The following PXMP2 variants were observed in gnomAD, a reference collection of about 807,000 sequenced individuals.
PXMP2 encodes peroxisomal membrane protein 2.
Under a neutral mutation model 20.2 loss-of-function variants are expected in PXMP2, and 13 were observed. That is an observed-to-expected ratio of 0.64 (90% CI 0.42 to 1.02). The LOEUF is 1.02. Ranked by LOEUF, PXMP2 falls within the 50% of genes least tolerant of loss-of-function variation. The pLI, the probability that PXMP2 is intolerant of heterozygous loss-of-function variation, is 0.00. For synonymous variants in PXMP2, 113 were observed against 111.2 expected, an observed-to-expected ratio of 1.02 and a Z score of -0.10; for missense variants, 284 against 251.8, an observed-to-expected ratio of 1.13 and a Z score of -0.87.
At position 132,704,788 on chromosome 12, in the gene PXMP2, A is replaced by G; in HGVS notation, c.*101A>G. 8.8e-7 allele frequency: 1 copy of G among 1,134,832 alleles called. No homozygotes were observed. The highest frequency in any genetic ancestry group is 1.3e-6 in the Non-Finnish European group (1 of 752,206). The allele number at this position is 1,134,832 out of a possible 1,614,324, so 70.3% of individuals were successfully genotyped here. On this transcript the variant is annotated 3_prime_UTR_variant, in exon 5 of 5. Coordinates refer to ENST00000317479, the MANE Select transcript of PXMP2 (RefSeq NM_018663.3). ...ATCCAGTCAGGATGTCACTGACTCT[A>G]AATCAGGTGATTCAAGATGCCCAAA...
chr12:132,688,255 G>A (rs1458758786), intron 1 of PXMP2: 4 of 235,606 alleles, frequency 1.7e-5, no homozygotes, highest in Admixed American at 1.2e-4. Flanking sequence ...TGAAGACAGG[G>A]CGAGGGGAGC....
At chr12:132,697,108 C>T (rs888512998) in intron 3 of PXMP2, among the ~76,000 whole-genome samples, 8 of 152,018 alleles carry the variant, frequency 5.3e-5, no homozygotes, top group Non-Finnish European at 7.4e-5. Context: ...GGCAACATGG[C>T]GAATACCCAT....
chr12:132,695,872 T>C lies in PXMP2; in HGVS notation c.237-12T>C. 6.3e-7 allele frequency: 1 copy of C among 1,598,038 alleles called. No homozygotes were observed. Among genetic ancestry groups the C allele is most frequent in the Non-Finnish European group, 8.5e-7 (1 of 1,170,316 alleles). ...GAACCACAATCTGGCTCACACCCCC[T>C]GGGGGCCTCAGGTTCTTCTTCACAG... On this transcript the variant is annotated splice_polypyrimidine_tract_variant and intron_variant, in intron 2 of 4. Transcript: ENST00000317479.
intron 4 of PXMP2, among the ~76,000 whole-genome samples, chr12:132,702,849 G>T (rs2043450216): frequency 6.6e-6 from 1 of 152,200 alleles, no homozygotes; most frequent in South Asian, 2.1e-4. Context: ...GGGAGGAAAG[G>T]ACCAGGGTGA....
At chr12:132,704,032 C>T (rs1044369144) in intron 4 of PXMP2, among the ~76,000 whole-genome samples, 2 of 152,146 alleles carry the variant, frequency 1.3e-5, no homozygotes, top group Admixed American at 6.5e-5. Context: ...ATTCAGCAAG[C>T]GTTTCCTGAG....
At chr12:132,693,780 TGCCAGTTAGTTAGTTAGCTCCCTTA>T (rs1593105797) in intron 2 of PXMP2, among the ~76,000 whole-genome samples, 12 of 94,438 alleles carry the variant, frequency 1.3e-4, no homozygotes, top group Non-Finnish European at 2.2e-4. Context: ...TGAGCGCCCT[TGCCAGTTAGTTAGTTAGCTCCCTTA>T]GCCAGTTAGT....
rs551083904 is a variant in PXMP2 at position 132,689,328 on chromosome 12, G to A, written c.123-935G>A. Among the ~76,000 whole-genome samples, 9 of 152,284 alleles carry A rather than the reference G, an allele frequency of 5.9e-5. No individual in the cohort carries two copies. In the East Asian group the frequency reaches 1.7e-3, roughly 29 times the overall value. On this transcript the variant is annotated intron_variant, in intron 1 of 4. Transcript: ENST00000317479. Reference sequence around the variant, plus strand: ...ACGGCGCGGGTGGAGACACGGCCAGGGAAGGTGTTTTGAGAAGGTGACATT... The same window carrying A: ...ACGGCGCGGGTGGAGACACGGCCAGAGAAGGTGTTTTGAGAAGGTGACATT...
Position 132,701,358 on chromosome 12 carries a change from G to C in PXMP2, c.508G>C (p.Val170Leu). 4 of 1,612,682 alleles carry C rather than the reference G, an allele frequency of 2.5e-6. No individual in the cohort carries two copies. Among genetic ancestry groups the C allele is most frequent in the Non-Finnish European group, 3.4e-6 (4 of 1,179,704 alleles). ...TPLQFININY[V>L]PLKFRVLFAN... ...ACTACAGTTCATCAACATCAACTACGTCCCTCTGAAGGTGAGGGCCACGGG... is the reference window on the plus strand; with the variant it reads ...ACTACAGTTCATCAACATCAACTACCTCCCTCTGAAGGTGAGGGCCACGGG... Residue 170 changes from valine (V) to leucine (L), a missense_variant, in exon 4 of 5, where the codon GTC becomes CTC. By Grantham distance (32) the Val-to-Leu change is conservative. Transcript: ENST00000317479.
chr12:132,690,215 AC>A, intron 1 of PXMP2, 47 bp from the exon 2 acceptor site: 1 of 1,472,042 alleles, frequency 6.8e-7, no homozygotes, highest in South Asian at 1.1e-5. Flanking sequence ...GGAAAGGGAC[AC>A]CCTCCTGCTG....
intron 2 of PXMP2, among the ~76,000 whole-genome samples, chr12:132,693,838 G>C (rs1395783949): frequency 1.0e-5 from 1 of 99,452 alleles, no homozygotes; most frequent in Non-Finnish European, 2.2e-5. Flanking sequence ...TTGCCAGTTA[G>C]TTAGTGAGCT....
intron 2 of PXMP2, among the ~76,000 whole-genome samples, chr12:132,694,880 TGAG>T: frequency 6.7e-6 from 1 of 148,756 alleles, no homozygotes; most frequent in African/African-American, 2.5e-5. Context: ...AGTTAGTTAG[TGAG>T]CGCCCTTGCC....
intron 1 of PXMP2, among the ~76,000 whole-genome samples, chr12:132,689,609 T>G (rs1313767056): frequency 6.6e-6 from 1 of 152,118 alleles, no homozygotes; most frequent in Non-Finnish European, 1.5e-5. Context: ...ATTTTGGATT[T>G]TATAGTCCAG....
intron 4 of PXMP2, chr12:132,702,543 A>T (rs947683151): frequency 1.3e-5 from 4 of 319,476 alleles, no homozygotes; most frequent in African/African-American, 9.0e-5. Flanking sequence ...TGCAGGGGCC[A>T]CGTGCTTCCC....
chr12:132,697,827 G>A (rs988562650), intron 3 of PXMP2, among the ~76,000 whole-genome samples: 4 of 152,072 alleles, frequency 2.6e-5, no homozygotes, highest in Admixed American at 2.0e-4. Flanking sequence ...GAAGAGTTCC[G>A]GGCCTGGAGG....
At position 132,696,978 on chromosome 12, in the gene PXMP2, AAAAAAAG is replaced by A. The variant is rs367921410; in HGVS notation, c.399+950_399+956del. ...CAACAGAGCAAGACTCTGCCTCAAAAAAAAAAGAAAAAAGAAAAAAGAAACAGGGCCG... is the reference window on the plus strand; with the variant it reads ...CAACAGAGCAAGACTCTGCCTCAAAAAAAAAAGAAAAAAGAAACAGGGCCG... On this transcript the variant is annotated intron_variant, in intron 3 of 4. Transcript: ENST00000317479. This position sits in a 1 kb window ranked among gnomAD's most constrained non-coding sequence, Gnocchi z 4.4. Among the ~76,000 whole-genome samples, 269 of 151,618 alleles carry A rather than the reference AAAAAAAG, an allele frequency of 1.8e-3. 2 individuals carry two copies. The highest frequency in any genetic ancestry group is 6.8e-3 in the Middle Eastern group (2 of 292).
chr12:132,692,688 G>GCCCTTAGCCAGTTAGTTAGTGAGCA (rs2043377984), intron 2 of PXMP2, among the ~76,000 whole-genome samples: 1 of 105,578 alleles, frequency 9.5e-6, no homozygotes, highest in African/African-American at 3.7e-5. Flanking sequence ...GTTAGTGAGC[G>GCCCTTAGCCAGTTAGTTAGTGAGCA]CCCTTGCCAG....
At chr12:132,697,156 G>A (rs1412721393) in intron 3 of PXMP2, among the ~76,000 whole-genome samples, 2 of 151,652 alleles carry the variant, frequency 1.3e-5, no homozygotes, top group African/African-American at 4.8e-5. Flanking sequence ...GTGGTGATGT[G>A]CACCTGTAGT....
At chr12:132,695,036 T>G (rs1358320021) in intron 2 of PXMP2, among the ~76,000 whole-genome samples, 3 of 149,364 alleles carry the variant, frequency 2.0e-5, no homozygotes, top group Non-Finnish European at 4.4e-5. Flanking sequence ...GTGAGCTCCC[T>G]TAGCCAGTTA....
chr12:132,701,519 G>A lies in PXMP2; in HGVS notation c.519+150G>A, dbSNP rs536900536. ...TTTTCCGCTAGACTTAGTTTCATCCGTGTCTAGACTCCTCAACTACCCTTG... is the reference window on the plus strand; with the variant it reads ...TTTTCCGCTAGACTTAGTTTCATCCATGTCTAGACTCCTCAACTACCCTTG... On this transcript the variant is annotated intron_variant, in intron 4 of 4. Transcript: ENST00000317479. 2.9e-4 allele frequency: 311 copies of A among 1,069,322 alleles called. 3 individuals are homozygous for A. In the South Asian group the frequency reaches 4.0e-3, roughly 14 times the overall value. 66.2% of individuals were successfully genotyped at this position (1,069,322 alleles called of 1,614,324 possible).
Sources: allele counts gnomAD v4.1 joint callset (sites outside exome capture counted in the v4.1 genomes callset), GRCh38; gene constraint gnomAD v4.1.1; non-coding constraint Gnocchi (gnomAD v3.1); transcripts MANE v1.5; gene names NCBI Gene and HGNC (gene_info 2026-07-23, HGNC 2026-07-21).